GRIK1: variants seen among roughly 807,000 people sequenced by gnomAD.
GRIK1 encodes glutamate receptor ionotropic, kainate 1.
Under a neutral mutation model 105.7 loss-of-function variants are expected in GRIK1, and 69 were observed. The ratio of observed to expected loss-of-function variants is 0.65; its 90% CI spans 0.54 to 0.80. The LOEUF is 0.80. GRIK1 is among the 30% of genes least tolerant of loss of function. The pLI, the probability that GRIK1 is intolerant of heterozygous loss-of-function variation, is 0.00. For missense variants in GRIK1, 1,109 were observed against 1,167.3 expected, an observed-to-expected ratio of 0.95 and a Z score of 0.73; for synonymous variants, 438 against 431.3, an observed-to-expected ratio of 1.02 and a Z score of -0.19.
intron 1 of GRIK1, among the ~76,000 whole-genome samples, chr21:29,773,182 C>T (rs1276992986): frequency 1.3e-5 from 2 of 152,174 alleles, no homozygotes; most frequent in African/African-American, 2.4e-5. Context: ...CAGTAAGGAA[C>T]AGGGCTCTCG....
intron 1 of GRIK1, among the ~76,000 whole-genome samples, chr21:29,734,070 A>G (rs1275861741): frequency 6.6e-6 from 1 of 152,152 alleles, no homozygotes; most frequent in Admixed American, 6.6e-5. Context: ...ATTCCTGAAA[A>G]TTTAACAGTT....
intron 1 of GRIK1, among the ~76,000 whole-genome samples, chr21:29,697,960 C>T (rs200066787): frequency 9.1e-5 from 9 of 98,978 alleles, no homozygotes; most frequent in African/African-American, 4.5e-4. Flanking sequence ...TTTCTTTCTT[C>T]CTTTCTTTCT....
At chr21:29,699,409 T>A (rs556584970) in intron 1 of GRIK1, among the ~76,000 whole-genome samples, 5 of 152,220 alleles carry the variant, frequency 3.3e-5, no homozygotes, top group African/African-American at 1.2e-4. Context: ...CAGGGACTTG[T>A]GCACACAGAG....
intron 1 of GRIK1, among the ~76,000 whole-genome samples, chr21:29,926,080 C>G (rs2071359921): frequency 7.0e-6 from 1 of 143,034 alleles, no homozygotes; most frequent in African/African-American, 2.6e-5. Flanking sequence ...ATAAGTTAAT[C>G]AGAAATACCT....
intron 16 of GRIK1, among the ~76,000 whole-genome samples, chr21:29,539,181 ATACTT>A (rs563123993): frequency 4.8e-4 from 73 of 152,322 alleles, no homozygotes; most frequent in African/African-American, 1.7e-3. Context: ...TTTATGAACT[ATACTT>A]AAAAAATGTT....
chr21:29,588,173 A>C (rs1438220418), intron 11 of GRIK1, among the ~76,000 whole-genome samples: 1 of 151,228 alleles, frequency 6.6e-6, no homozygotes, highest in Admixed American at 6.6e-5. Flanking sequence ...GCGGGGTTTC[A>C]CTGTGTTAAC....
chr21:29,764,803 G>C (rs1395384594), intron 1 of GRIK1, among the ~76,000 whole-genome samples: 2 of 152,170 alleles, frequency 1.3e-5, no homozygotes, highest in African/African-American at 4.8e-5. Flanking sequence ...CCTTTTGATA[G>C]TTTGGATGCA....
At chr21:29,925,159 C>T (rs958722246) in intron 1 of GRIK1, among the ~76,000 whole-genome samples, 2 of 152,168 alleles carry the variant, frequency 1.3e-5, no homozygotes, top group South Asian at 2.1e-4. Flanking sequence ...CTGATTTGAT[C>T]GTAGGTATGC....
intron 16 of GRIK1, among the ~76,000 whole-genome samples, chr21:29,541,653 C>T (rs2146091117): frequency 7.1e-6 from 1 of 141,342 alleles, no homozygotes; most frequent in South Asian, 2.3e-4. Flanking sequence ...ATCTGATGCA[C>T]ATCTGTGCAG....
At chr21:29,599,034 A>G in intron 7 of GRIK1, 97 bp from the exon 8 acceptor site, 1 of 624,662 alleles carries the variant, frequency 1.6e-6, no homozygotes, top group Non-Finnish European at 2.9e-6. Flanking sequence ...CACAGTATCC[A>G]ATTATTTGTT....
rs563309490 is a variant in GRIK1 at position 29,636,592 on chromosome 21, T to A, written c.1098+6234A>T. ...TGGAAATTTCCAGAAGGGAGGTGACTGGATGAATTTAAACTTAGGGGAAAA... is the reference window on the plus strand; with the variant it reads ...TGGAAATTTCCAGAAGGGAGGTGACAGGATGAATTTAAACTTAGGGGAAAA... On this transcript the variant is annotated intron_variant, in intron 7 of 17. Transcript: ENST00000327783. Among the ~76,000 whole-genome samples the A allele has an allele frequency of 2.0e-5, 3 of 152,314 alleles. No individual in the cohort carries two copies. The East Asian group carries it at 5.8e-4, about 29-fold the overall frequency.
At chr21:29,827,494 T>A (rs545935990) in intron 1 of GRIK1, among the ~76,000 whole-genome samples, 1 of 152,262 alleles carries the variant, frequency 6.6e-6, no homozygotes, top group South Asian at 2.1e-4. Flanking sequence ...AGTCCAGATT[T>A]GATATAATGT....
intron 4 of GRIK1, among the ~76,000 whole-genome samples, chr21:29,671,555 G>C (rs2063161141): frequency 6.6e-6 from 1 of 152,140 alleles, no homozygotes; most frequent in Non-Finnish European, 1.5e-5. Flanking sequence ...TGGAGCACCA[G>C]AGAGTCAGGC....
intron 6 of GRIK1, 47 bp from the exon 7 acceptor site, chr21:29,643,016 C>T: frequency 6.3e-7 from 1 of 1,581,738 alleles, no homozygotes; most frequent in Non-Finnish European, 8.7e-7. Context: ...CTTTTGCTTA[C>T]CTTCCTTTAC....
chr21:29,553,056 A>G (rs905733328), intron 16 of GRIK1, among the ~76,000 whole-genome samples: 6 of 151,998 alleles, frequency 3.9e-5, no homozygotes, highest in African/African-American at 7.2e-5. Context: ...AAAAATTAAC[A>G]TTGTTATGGA....
chr21:29,751,247 T>C (rs1241216957), intron 1 of GRIK1, among the ~76,000 whole-genome samples: 1 of 152,196 alleles, frequency 6.6e-6, no homozygotes, highest in African/African-American at 2.4e-5. Context: ...CATTTGATTA[T>C]ATTTGATATA....
At chr21:29,622,379 A>G (rs2062024613) in intron 7 of GRIK1, among the ~76,000 whole-genome samples, 1 of 152,224 alleles carries the variant, frequency 6.6e-6, no homozygotes, top group Admixed American at 6.5e-5. Context: ...ACGTTGGAAG[A>G]CATGCTTTAG....
At chr21:29,877,580 A>T (rs1279118260) in intron 1 of GRIK1, among the ~76,000 whole-genome samples, 2 of 152,188 alleles carry the variant, frequency 1.3e-5, no homozygotes, top group Non-Finnish European at 2.9e-5. Flanking sequence ...CATGAGTTAG[A>T]TTCTTTTCAC....
At chr21:29,726,465 C>T (rs769885608) in intron 1 of GRIK1, among the ~76,000 whole-genome samples, 8 of 152,234 alleles carry the variant, frequency 5.3e-5, no homozygotes, top group Non-Finnish European at 7.4e-5. Flanking sequence ...TTTGTTATTA[C>T]GCTTATGTGA....
Sources: gnomAD v4.1 joint callset for allele counts (sites outside exome capture counted in the v4.1 genomes callset) on GRCh38, gnomAD v4.1.1 for gene constraint, MANE v1.5 for transcripts, NCBI Gene and HGNC (gene_info 2026-07-23, HGNC 2026-07-21) for gene names.